PCDHGB1: variants seen among roughly 807,000 people sequenced by gnomAD.
PCDHGB1 encodes the protein protocadherin gamma subfamily B, 1.
A neutral mutation model predicts 56.6 loss-of-function variants in PCDHGB1; 34 were observed. That is an observed-to-expected ratio of 0.60 (90% CI 0.46 to 0.80). The LOEUF is 0.80. Ranked by LOEUF, PCDHGB1 falls within the 30% of genes least tolerant of loss-of-function variation. The probability of loss-of-function intolerance (pLI) is 0.00; values close to 1 mark genes in which losing one functional copy is unlikely to be tolerated. For synonymous variants in PCDHGB1, 561 were observed against 505.9 expected (o/e 1.11, Z -1.46); for missense variants, 1,278 against 1,204.6 (o/e 1.06, Z -0.90).
chr5:141,375,886 C>G lies in PCDHGB1; in HGVS notation c.2409+23217C>G, dbSNP rs1772014955. The G allele has an allele frequency of 1.2e-6, 2 of 1,613,822 alleles. No homozygotes were observed. Among genetic ancestry groups the G allele is most frequent in the Non-Finnish European group, 8.5e-7 (1 of 1,180,024 alleles). On this transcript the variant is annotated intron_variant, in intron 1 of 3. Coordinates refer to ENST00000523390, the MANE Select transcript of PCDHGB1 (RefSeq NM_018922.3). ...CGGTGGACAGAGACTCGGGCCAGAACGCCTGGCTGTCCTACCGCCTGCTCA... is the reference window on the plus strand; with the variant it reads ...CGGTGGACAGAGACTCGGGCCAGAAGGCCTGGCTGTCCTACCGCCTGCTCA...
chr5:141,365,477 G>T, intron 1 of PCDHGB1: 2 of 1,613,994 alleles, frequency 1.2e-6, no homozygotes, highest in Non-Finnish European at 1.7e-6. Flanking sequence ...TGGTGAGATT[G>T]CATGCTCTAT....
chr5:141,371,011 C>G, intron 1 of PCDHGB1: 4 of 1,613,966 alleles, frequency 2.5e-6, no homozygotes, highest in Non-Finnish European at 3.4e-6. Context: ...GAAGAGCAGC[C>G]ACATCACCAC....
chr5:141,410,485 A>G, intron 1 of PCDHGB1: 3 of 1,614,016 alleles, frequency 1.9e-6, no homozygotes, highest in Non-Finnish European at 1.7e-6. Flanking sequence ...ATACGGGTAC[A>G]AAAGAGTTTA....
chr5:141,370,541 C>A (rs760146561), intron 1 of PCDHGB1: 2 of 1,613,924 alleles, frequency 1.2e-6, no homozygotes, highest in African/African-American at 1.3e-5. Flanking sequence ...TGGTAGGGAA[C>A]CTCGCCAAGG....
intron 1 of PCDHGB1, chr5:141,409,423 T>G: frequency 6.2e-7 from 1 of 1,614,026 alleles, no homozygotes; most frequent in Non-Finnish European, 8.5e-7. Context: ...TGGTGACAGA[T>G]GGAGCCCTGG....
At chr5:141,372,221 G>T (rs1229058896) in intron 1 of PCDHGB1, 1 of 1,613,516 alleles carries the variant, frequency 6.2e-7, no homozygotes, top group African/African-American at 1.3e-5. Context: ...ACCACATTGT[G>T]CAGGCCAGCG....
At chr5:141,438,996 A>G (rs2098080427) in intron 1 of PCDHGB1, among the ~76,000 whole-genome samples, 1 of 151,634 alleles carries the variant, frequency 6.6e-6, no homozygotes, top group African/African-American at 2.4e-5. Flanking sequence ...AAGGCTAAGG[A>G]CCTGGTTTGT....
At chr5:141,461,291 C>A (rs892436619) in intron 1 of PCDHGB1, among the ~76,000 whole-genome samples, 1 of 152,128 alleles carries the variant, frequency 6.6e-6, no homozygotes, top group African/African-American at 2.4e-5. Flanking sequence ...CACATCCACA[C>A]CAACATCTAT....
At position 141,476,513 on chromosome 5, in the gene PCDHGB1, C is replaced by T; in HGVS notation, c.2410-18294C>T. 1 of 1,614,196 alleles carries T rather than the reference C, an allele frequency of 6.2e-7. No individual in the cohort carries two copies. Among genetic ancestry groups the T allele is most frequent in the Non-Finnish European group, 8.5e-7 (1 of 1,180,034 alleles). On this transcript the variant is annotated intron_variant, in intron 1 of 3. Coordinates refer to ENST00000523390, the MANE Select transcript of PCDHGB1 (RefSeq NM_018922.3). The surrounding 1 kb of genome is among the most constrained non-coding windows in gnomAD (Gnocchi z 7.6). ...GATCCAGGACATCAACGACAACAAT[C>T]CTGCTTTCCCTACCCAGGAAATGAA...
In PCDHGB1 at chr5:141,485,027, G is replaced by A. The variant is rs1594439784; in HGVS notation, c.2410-9780G>A. ...AATCTACCCCGCCACCAGCAAAAAC[G>A]GCGCGTAACCCTTGCGGCGCCGGCC... is the stretch of plus-strand genomic sequence containing the variant. On this transcript the variant is annotated intron_variant, in intron 1 of 3. Coordinates refer to ENST00000523390, the MANE Select transcript of PCDHGB1 (RefSeq NM_018922.3). The surrounding 1 kb of genome is among the most constrained non-coding windows in gnomAD (Gnocchi z 5.7). 1.5e-6 allele frequency: 1 copy of A among 662,546 alleles called. No individual in the cohort carries two copies. Among genetic ancestry groups the A allele is most frequent in the South Asian group, 1.9e-5 (1 of 53,596 alleles). The allele number at this position is 662,546 out of a possible 1,614,324, so 41.0% of individuals were successfully genotyped here.
chr5:141,475,550 T>G (rs2099365082), intron 1 of PCDHGB1, among the ~76,000 whole-genome samples: 1 of 152,246 alleles, frequency 6.6e-6, no homozygotes, highest in Non-Finnish European at 1.5e-5. Flanking sequence ...AGGGTCCGGC[T>G]AATTGTCTGT....
intron 1 of PCDHGB1, among the ~76,000 whole-genome samples, chr5:141,353,973 C>G (rs560651740): frequency 1.2e-4 from 18 of 152,342 alleles, no homozygotes; most frequent in Admixed American, 1.1e-3. Context: ...AACTGATGTA[C>G]TGCTTTATCT....
chr5:141,511,010 A>G lies in PCDHGB1; in HGVS notation c.2621A>G (p.Tyr874Cys), dbSNP rs1286219897. 6.2e-6 allele frequency: 10 copies of G among 1,614,054 alleles called. No homozygotes were observed. Among genetic ancestry groups the G allele is most frequent in the African/African-American group, 1.3e-5 (1 of 74,916 alleles). Residue 874 changes from tyrosine to cysteine, a missense_variant, in exon 4 of 4, where the codon TAC becomes TGC. By Grantham distance (194) the Tyr-to-Cys change is radical (BLOSUM62 -2). Coordinates refer to ENST00000523390, the MANE Select transcript of PCDHGB1 (RefSeq NM_018922.3). ...GGCACCATGGGATTGAGCGCCCGCT[A>G]CGGACCCCAGTTCACCCTGCAGCAC... Reference protein sequence around the residue: ...GAGTMGLSARYGPQFTLQHVP... With the variant: ...GAGTMGLSARCGPQFTLQHVP...
At chr5:141,478,498 G>A in intron 1 of PCDHGB1, 8 of 1,612,712 alleles carry the variant, frequency 5.0e-6, no homozygotes, top group South Asian at 1.1e-5. Context: ...GCTGTGATCC[G>A]GTGTTCTATA....
intron 1 of PCDHGB1, chr5:141,412,079 T>C (rs148830663): frequency 3.3e-4 from 50 of 152,342 alleles, no homozygotes; most frequent in African/African-American, 1.1e-3. Context: ...GAACAATTGC[T>C]ACTGGGTTGA....
At chr5:141,478,236 T>C (rs2099440813) in intron 1 of PCDHGB1, 3 of 1,614,156 alleles carry the variant, frequency 1.9e-6, no homozygotes, top group Non-Finnish European at 2.5e-6. Flanking sequence ...GGGTTTGTGG[T>C]CACAGTGTTC....
intron 1 of PCDHGB1, chr5:141,361,627 C>A (rs1389094962): frequency 6.2e-7 from 1 of 1,613,918 alleles, no homozygotes; most frequent in East Asian, 2.2e-5. Context: ...CGACCTGAAG[C>A]CGCGGGAGAT....
chr5:141,474,369 G>C (rs1424130168), intron 1 of PCDHGB1, among the ~76,000 whole-genome samples: 1 of 152,184 alleles, frequency 6.6e-6, no homozygotes, highest in Non-Finnish European at 1.5e-5. Flanking sequence ...AGTAGGTCTA[G>C]AGGAGGGCAT....
Position 141,361,197 on chromosome 5 carries a change from T to C in PCDHGB1, c.2409+8528T>C, listed in dbSNP as rs750965424. 2.5e-6 allele frequency: 4 copies of C among 1,613,872 alleles called. No individual in the cohort carries two copies. In the Admixed American group the frequency reaches 6.7e-5, roughly 27 times the overall value. Reference sequence around the variant, plus strand: ...AAGTTATTGTGACTTCAGTATCTACTCCCCTACCGGAGGATTCGCCACCAG... The same window carrying C: ...AAGTTATTGTGACTTCAGTATCTACCCCCCTACCGGAGGATTCGCCACCAG... On this transcript the variant is annotated intron_variant, in intron 1 of 3. Transcript: ENST00000523390.
Sources: gnomAD v4.1 joint callset for allele counts (sites outside exome capture counted in the v4.1 genomes callset) on GRCh38, gnomAD v4.1.1 for gene constraint, Gnocchi (gnomAD v3.1) non-coding constraint, MANE v1.5 for transcripts, NCBI Gene and HGNC (gene_info 2026-07-23, HGNC 2026-07-21) for gene names.